NEDD9: variants seen among roughly 807,000 people sequenced by gnomAD.
NEDD9 encodes the protein neural precursor cell expressed, developmentally down-regulated 9.
Under a neutral mutation model 76.6 loss-of-function variants are expected in NEDD9, and 26 were observed. The ratio of observed to expected loss-of-function variants is 0.34; its 90% CI spans 0.25 to 0.47. NEDD9 has a LOEUF of 0.47. Ranked by LOEUF, NEDD9 falls within the 20% of genes least tolerant of loss-of-function variation. The probability of loss-of-function intolerance (pLI) is 1.00; values close to 1 mark genes in which losing one functional copy is unlikely to be tolerated. For synonymous variants in NEDD9, 392 were observed against 414.2 expected (o/e 0.95, Z 0.65); for missense variants, 937 against 1,058.5 (o/e 0.89, Z 1.59).
chr6:11,211,557 T>TA (rs778267189), intron 2 of NEDD9, among the ~76,000 whole-genome samples: 21 of 152,204 alleles, frequency 1.4e-4, no homozygotes, highest in Non-Finnish European at 2.6e-4. Context: ...TATTTATAGT[T>TA]ACACCTTTCA....
intron 3 of NEDD9, among the ~76,000 whole-genome samples, chr6:11,298,538 A>G (rs764888930): frequency 2.0e-5 from 3 of 152,226 alleles, no homozygotes; most frequent in Non-Finnish European, 4.4e-5. Flanking sequence ...TTACAGCTGG[A>G]ATGAAATACT....
chr6:11,190,075 G>A lies in NEDD9; in HGVS notation c.1794C>T (p.Ala598=). ...GGCCTGGGGGCAGTGCCTTGTTGTG[G>A]GCCTGGGCCTTGTGGTCACCAGGAT... The part of the protein sequence containing the change: ...LLHPGDHKAQ[A]HNKALPPGLS... Residue 598 remains alanine (A), a synonymous_variant, in exon 5 of 7, where the codon GCC becomes GCT. Transcript: ENST00000379446. This position sits in a 1 kb window ranked among gnomAD's most constrained non-coding sequence, Gnocchi z 5.8. 1 of 1,604,164 alleles carries A rather than the reference G, an allele frequency of 6.2e-7. No homozygotes were observed. The highest frequency in any genetic ancestry group is 8.5e-7 in the Non-Finnish European group (1 of 1,174,556).
Position 11,376,075 on chromosome 6 carries a change from C to T in NEDD9, c.-214+6064G>A, listed in dbSNP as rs530809069. 2.6e-5 allele frequency among the ~76,000 whole-genome samples: 4 copies of T among 152,330 alleles called. No homozygotes were observed. In the East Asian group the frequency reaches 5.8e-4, roughly 22 times the overall value. On this transcript the variant is annotated intron_variant, in intron 1 of 3. Coordinates refer to the NEDD9 transcript ENST00000397378. ...TCCTGACCTCGTGATCCGCCCGTCT[C>T]GGCCTCCCAAAGTGCTGGGATTACT...
At chr6:11,249,922 T>C (rs1288899194) in intron 3 of NEDD9, among the ~76,000 whole-genome samples, 2 of 152,144 alleles carry the variant, frequency 1.3e-5, no homozygotes, top group African/African-American at 2.4e-5. Flanking sequence ...AGTGTGGAGA[T>C]CATGGTCAAG....
intron 2 of NEDD9, among the ~76,000 whole-genome samples, chr6:11,196,571 G>A (rs1326983277): frequency 6.6e-6 from 1 of 152,072 alleles, no homozygotes; most frequent in Non-Finnish European, 1.5e-5. Flanking sequence ...TCATTTAGAG[G>A]ATGCCTGTGG....
At chr6:11,382,190 G>A (rs1383168377) in exon 1 of NEDD9, 1 of 152,280 alleles carries the variant, frequency 6.6e-6, no homozygotes, top group Non-Finnish European at 1.5e-5. Flanking sequence ...CCGACGCTCT[G>A]GCCCTCTCTG....
chr6:11,227,217 C>T (rs1759333333), intron 1 of NEDD9, among the ~76,000 whole-genome samples: 1 of 152,200 alleles, frequency 6.6e-6, no homozygotes, highest in Admixed American at 6.5e-5. Flanking sequence ...CAACAATATT[C>T]AACCATCTCA....
exon 3 of NEDD9, chr6:11,306,070 C>G (rs2113421222): frequency 6.3e-7 from 1 of 1,592,634 alleles, no homozygotes; most frequent in Non-Finnish European, 8.6e-7. Flanking sequence ...ACTCTTCTGA[C>G]CAGTTTCTTC....
At chr6:11,228,039 T>C (rs143131741) in intron 1 of NEDD9, among the ~76,000 whole-genome samples, 1 of 134,252 alleles carries the variant, frequency 7.4e-6, no homozygotes, top group Non-Finnish European at 1.5e-5. Context: ...CTACAGAATG[T>C]GCATTAAAAG....
At chr6:11,336,946 C>G (rs970369439) in intron 1 of NEDD9, among the ~76,000 whole-genome samples, 1 of 152,052 alleles carries the variant, frequency 6.6e-6, no homozygotes, top group Admixed American at 6.6e-5. Flanking sequence ...CTTGGCTGGG[C>G]GCGGTGGCTC....
chr6:11,206,042 G>A (rs763040349), intron 2 of NEDD9, among the ~76,000 whole-genome samples: 8 of 152,242 alleles, frequency 5.3e-5, no homozygotes, highest in Non-Finnish European at 8.8e-5. Flanking sequence ...GGCACAGCTA[G>A]TTAGAATGAA....
intron 3 of NEDD9, among the ~76,000 whole-genome samples, chr6:11,248,158 C>T (rs1355164696): frequency 4.1e-5 from 6 of 147,422 alleles, no homozygotes; most frequent in Non-Finnish European, 9.0e-5. Context: ...CCAAAAGAAA[C>T]ATTTAAAAAG....
intron 1 of NEDD9, among the ~76,000 whole-genome samples, chr6:11,375,856 ACT>A (rs1453869742): frequency 6.6e-6 from 1 of 151,716 alleles, no homozygotes; most frequent in Non-Finnish European, 1.5e-5. Context: ...ACGGAGTCTC[ACT>A]CTATCACTCA....
intron 2 of NEDD9, among the ~76,000 whole-genome samples, chr6:11,315,901 A>C (rs1051617164): frequency 6.6e-6 from 1 of 152,312 alleles, no homozygotes; most frequent in Admixed American, 6.5e-5. Context: ...ACTGCCAACC[A>C]CCTGACCAGG....
At chr6:11,243,174 G>A (rs1759741592) in intron 3 of NEDD9, among the ~76,000 whole-genome samples, 1 of 152,194 alleles carries the variant, frequency 6.6e-6, no homozygotes, top group African/African-American at 2.4e-5. Flanking sequence ...ACCAGAGAGT[G>A]GGTGGTCCAG....
intron 1 of NEDD9, among the ~76,000 whole-genome samples, chr6:11,225,038 T>C (rs1334475773): frequency 6.6e-6 from 1 of 152,264 alleles, no homozygotes; most frequent in Non-Finnish European, 1.5e-5. Flanking sequence ...ATCTGAACTT[T>C]ACACGTGTTT....
intron 2 of NEDD9, among the ~76,000 whole-genome samples, chr6:11,319,403 T>C (rs1761691454): frequency 6.7e-6 from 1 of 149,938 alleles, no homozygotes. Context: ...CACACACTCA[T>C]GCACCCTCAC....
chr6:11,187,501 C>T (rs1309997764), intron 6 of NEDD9, among the ~76,000 whole-genome samples: 1 of 152,064 alleles, frequency 6.6e-6, no homozygotes, highest in Non-Finnish European at 1.5e-5. Flanking sequence ...AAACCATAGG[C>T]TTGTGTTGCT....
intron 1 of NEDD9, among the ~76,000 whole-genome samples, chr6:11,335,505 C>T (rs984160852): frequency 1.3e-5 from 2 of 152,180 alleles, no homozygotes; most frequent in East Asian, 1.9e-4. Flanking sequence ...CCCGACTGCA[C>T]GTCATACAAC....
Sources: allele counts gnomAD v4.1 joint callset (sites outside exome capture counted in the v4.1 genomes callset), GRCh38; gene constraint gnomAD v4.1.1; non-coding constraint Gnocchi (gnomAD v3.1); transcripts MANE v1.5; gene names NCBI Gene and HGNC (gene_info 2026-07-23, HGNC 2026-07-21).